SLC35E1: variants seen among roughly 807,000 people sequenced by gnomAD.
SLC35E1 encodes solute carrier family 35, member E1.
A neutral mutation model predicts 31.0 loss-of-function variants in SLC35E1; 12 were observed. The observed-to-expected ratio is 0.39, with a 90% CI of 0.25 to 0.63. SLC35E1 has a LOEUF of 0.63. SLC35E1 is among the 20% of genes least tolerant of loss of function. The pLI, the probability that SLC35E1 is intolerant of heterozygous loss-of-function variation, is 0.52. For missense variants in SLC35E1, 429 were observed against 572.2 expected (o/e 0.75, Z 2.55); for synonymous variants, 257 against 264.1 (o/e 0.97, Z 0.26).
At position 16,555,108 on chromosome 19, in the gene SLC35E1, TG is replaced by T; in HGVS notation, c.1002+43del. ...CTTCCTTTTCTGACTTCCTGGGTGT[TG>T]GGGGGCCGGCTTCCTTCCCTGCCCA... On this transcript the variant is annotated intron_variant, in intron 5 of 5. Transcript: ENST00000595753. This position sits in a 1 kb window ranked among gnomAD's most constrained non-coding sequence, Gnocchi z 4.1. 1 of 1,610,850 alleles carries T rather than the reference TG, an allele frequency of 6.2e-7. No individual in the cohort carries two copies. Among genetic ancestry groups the T allele is most frequent in the Non-Finnish European group, 8.5e-7 (1 of 1,178,232 alleles).
chr19:16,571,423 C>A (rs909540947), intron 2 of SLC35E1, 89 bp downstream of exon 2: 6 of 1,393,418 alleles, frequency 4.3e-6, no homozygotes, highest in Non-Finnish European at 6.1e-6. Context: ...AGGCAGCCTG[C>A]AGACCAGGAT....
intron 4 of SLC35E1, chr19:16,565,238 T>G: frequency 9.8e-6 from 4 of 409,242 alleles, no homozygotes; most frequent in Non-Finnish European, 1.9e-5. Flanking sequence ...GAGACGGAGC[T>G]TCACACTTGT....
In SLC35E1 at chr19:16,563,047, G is replaced by A. The variant is rs562006906; in HGVS notation, c.756+3485C>T. 4.4e-3 allele frequency among the ~76,000 whole-genome samples: 669 copies of A among 152,282 alleles called. 3 individuals are homozygous for A. Among genetic ancestry groups the A allele is most frequent in the African/African-American group, 0.015 (619 of 41,554 alleles). ...TAAAAAGCTACTTTTTGGGCTGGGC[G>A]TGGTCGCTTACGCCTATAATTCCAG... is the stretch of plus-strand genomic sequence containing the variant. On this transcript the variant is annotated intron_variant, in intron 4 of 5. Transcript: ENST00000595753.
At chr19:16,565,787 A>G (rs2085928996) in intron 4 of SLC35E1, 1 of 131,626 alleles carries the variant, frequency 7.6e-6, no homozygotes, top group Non-Finnish European at 1.6e-5. Context: ...GAGTGCTGGG[A>G]TTACAGGCGT....
chr19:16,572,131 G>C lies in SLC35E1; in HGVS notation c.234C>G (p.Arg78=). The C allele has an allele frequency of 1.3e-6, 2 of 1,511,374 alleles. No homozygotes were observed. Among genetic ancestry groups the C allele is most frequent in the Non-Finnish European group, 1.8e-6 (2 of 1,130,552 alleles). The allele number at this position is 1,511,374 out of a possible 1,614,324, so 93.6% of individuals were successfully genotyped here. The change falls in exon 1 of 6, where the codon CGC becomes CGG. Residue 78 remains arginine, a synonymous_variant. Transcript: ENST00000595753. The surrounding 1 kb of genome is among the most constrained non-coding windows in gnomAD (Gnocchi z 4.1). The stretch of plus-strand genomic sequence containing the variant: ...GCGGCGCGGGGGGCACGCGCCAGGC[G>C]CGCAGCAGCGGCGGGAGCCCAGCGC... ...ALCAGLPPLL[R]AWRVPPAPPV...
intron 4 of SLC35E1, among the ~76,000 whole-genome samples, chr19:16,557,338 C>T (rs1331644063): frequency 6.6e-6 from 1 of 152,034 alleles, no homozygotes; most frequent in Non-Finnish European, 1.5e-5. Context: ...GGACTACAGG[C>T]GCCCGCCACC....
chr19:16,556,465 C>T (rs1452570978), intron 4 of SLC35E1, among the ~76,000 whole-genome samples: 2 of 152,078 alleles, frequency 1.3e-5, no homozygotes, highest in African/African-American at 2.4e-5. Context: ...GCTACGATGG[C>T]GCCATAGCAC....
chr19:16,559,343 A>C (rs1255779592), intron 4 of SLC35E1, among the ~76,000 whole-genome samples: 1 of 151,346 alleles, frequency 6.6e-6, no homozygotes, highest in Non-Finnish European at 1.5e-5. Context: ...TTTCTAGCCA[A>C]GTTTGGTGGC....
Position 16,572,331 on chromosome 19 carries a change from C to T in SLC35E1, c.34G>A (p.Ala12Thr). ...CTGCTCGCTGCGCCCGGGCCCCCCGCGCCGTGGCCCGCGCCCACCGCGGCC... is the reference window on the plus strand; with the variant it reads ...CTGCTCGCTGCGCCCGGGCCCCCCGTGCCGTGGCCCGCGCCCACCGCGGCC... The part of the protein sequence containing the change: ...AAAAVGAGHG[A>T]GGPGAASSSG... Residue 12 changes from alanine (A) to threonine (T), a missense_variant, in exon 1 of 6, where the codon GCG becomes ACG. Transcript: ENST00000595753. The surrounding 1 kb of genome is among the most constrained non-coding windows in gnomAD (Gnocchi z 4.1). 1 of 1,142,402 alleles carries T rather than the reference C, an allele frequency of 8.8e-7. No individual in the cohort carries two copies. Among genetic ancestry groups the T allele is most frequent in the Non-Finnish European group, 1.1e-6 (1 of 925,450 alleles). The allele number at this position is 1,142,402 out of a possible 1,614,324, so 70.8% of individuals were successfully genotyped here.
intron 4 of SLC35E1, chr19:16,565,042 C>T (rs2085924570): frequency 4.5e-6 from 2 of 444,646 alleles, no homozygotes; most frequent in African/African-American, 2.0e-5. Context: ...TTTACTTTTC[C>T]TTTCTAACTC....
In SLC35E1 at chr19:16,555,057, C is replaced by G. The variant is rs80113444; in HGVS notation, c.1002+95G>C. Reference sequence around the variant, plus strand: ...TCAGTGGCAAAGCTCTGACATACAACCCCAGCCTTGAGCGCCCGGGAGGCC... The same window carrying G: ...TCAGTGGCAAAGCTCTGACATACAAGCCCAGCCTTGAGCGCCCGGGAGGCC... On this transcript the variant is annotated intron_variant, in intron 5 of 5. Transcript: ENST00000595753. The surrounding 1 kb of genome is among the most constrained non-coding windows in gnomAD (Gnocchi z 4.1). 1.3e-6 allele frequency: 2 copies of G among 1,539,086 alleles called. No homozygotes were observed. The highest frequency in any genetic ancestry group is 1.9e-5 in the Admixed American group (1 of 51,922).
chr19:16,557,117 C>A, intron 4 of SLC35E1: 1 of 366,150 alleles, frequency 2.7e-6, no homozygotes, highest in Middle Eastern at 8.7e-4. Flanking sequence ...GGGAAGGGAA[C>A]CCAACCAATC....
Position 16,552,875 on chromosome 19 carries a change from T to C in SLC35E1, c.*804A>G, listed in dbSNP as rs982004000. On this transcript the variant is annotated 3_prime_UTR_variant, in exon 6 of 6. Coordinates refer to ENST00000595753, the MANE Select transcript of SLC35E1 (RefSeq NM_024881.5). ...GCCACAGAAATAGAGCTTGAAATAC[T>C]GAACACGATTTCTCGAAGATCCTTC... The C allele has an allele frequency of 6.6e-6, 1 of 152,228 alleles. No homozygotes were observed. The highest frequency in any genetic ancestry group is 1.5e-5 in the Non-Finnish European group (1 of 68,050). The allele number at this position is 152,228 out of a possible 1,614,324, so 9.4% of individuals were successfully genotyped here. A position where few individuals can be genotyped will look rare whatever the true frequency, so the allele number is the denominator to read the frequency against.
At chr19:16,553,983 G>T in intron 5 of SLC35E1, 74 bp from the exon 6 acceptor site, 1 of 1,339,650 alleles carries the variant, frequency 7.5e-7, no homozygotes. Context: ...TCAATCAACT[G>T]GCTGGCTGCG....
chr19:16,566,560 A>G lies in SLC35E1; in HGVS notation c.728T>C (p.Leu243Pro). 2 of 1,612,746 alleles carry G rather than the reference A, an allele frequency of 1.2e-6. No homozygotes were observed. Among genetic ancestry groups the G allele is most frequent in the Non-Finnish European group, 1.7e-6 (2 of 1,180,020 alleles). The change falls in exon 4 of 6, where the codon CTC becomes CCC. Residue 243 changes from leucine to proline, a missense_variant. Physicochemically the swap from Leu to Pro is moderately conservative, Grantham distance 98. Coordinates refer to ENST00000595753, the MANE Select transcript of SLC35E1 (RefSeq NM_024881.5). ...FMIPTWVLVDLSAFLVSSDLT... is the reference protein window; with the variant it reads ...FMIPTWVLVDPSAFLVSSDLT... ...GTCGCTGCTGACCAGGAAAGCCGAG[A>G]GGTCCACCAGAACCCAGGTGGGGAT... is the stretch of plus-strand genomic sequence containing the variant.
At chr19:16,567,884 A>G in intron 3 of SLC35E1, 148 bp downstream of exon 3, 1 of 1,225,814 alleles carries the variant, frequency 8.2e-7, no homozygotes, top group Non-Finnish European at 1.1e-6. Flanking sequence ...AAGCAAAATG[A>G]CAAACAGAAA....
At chr19:16,556,194 C>T (rs1032751869) in intron 4 of SLC35E1, among the ~76,000 whole-genome samples, 22 of 151,920 alleles carry the variant, frequency 1.4e-4, no homozygotes, top group Admixed American at 1.4e-3. Flanking sequence ...GCCAGGGCAA[C>T]AGAGCGAGAC....
At chr19:16,571,469 C>A (rs2085957832) in intron 2 of SLC35E1, 43 bp downstream of exon 2, 3 of 1,598,980 alleles carry the variant, frequency 1.9e-6, no homozygotes. Context: ...AGGGAGGAAC[C>A]CCCTGGAGCT....
At chr19:16,566,923 A>G (rs1464951067) in intron 3 of SLC35E1, among the ~76,000 whole-genome samples, 1 of 152,258 alleles carries the variant, frequency 6.6e-6, no homozygotes, top group Non-Finnish European at 1.5e-5. Flanking sequence ...AGGCACTCTG[A>G]AATTCCACTG....
Sources: gnomAD v4.1 joint callset for allele counts (sites outside exome capture counted in the v4.1 genomes callset) on GRCh38, gnomAD v4.1.1 for gene constraint, Gnocchi (gnomAD v3.1) non-coding constraint, MANE v1.5 for transcripts, NCBI Gene and HGNC (gene_info 2026-07-23, HGNC 2026-07-21) for gene names.